The following RHBDL3 variants were observed in gnomAD, a reference collection of about 807,000 sequenced individuals.
The protein encoded by RHBDL3 is rhomboid like 3.
RHBDL3 carries 28 observed loss-of-function variants against 48.2 expected under a neutral mutation model. That is an observed-to-expected ratio of 0.58 (90% CI 0.43 to 0.80). The LOEUF (loss-of-function observed/expected upper bound fraction) is 0.80, where lower values mean the gene tolerates loss of function less well. Among genes scored for constraint, RHBDL3 ranks in the 30% least tolerant of loss-of-function variants. RHBDL3 has a pLI of 0.00. For missense variants in RHBDL3, 464 were observed against 542.7 expected (o/e 0.85, Z 1.44); for synonymous variants, 208 against 232.3 (o/e 0.90, Z 0.95).
At chr17:32,291,339 GA>G (rs930949086) in intron 4 of RHBDL3, among the ~76,000 whole-genome samples, 7 of 126,024 alleles carry the variant, frequency 5.6e-5, no homozygotes, top group Non-Finnish European at 8.6e-5. Flanking sequence ...TCTCAAAAAA[GA>G]AAAAAAGAAA....
At chr17:32,292,332 C>CA (rs2040350661) in intron 4 of RHBDL3, among the ~76,000 whole-genome samples, 1 of 151,984 alleles carries the variant, frequency 6.6e-6, no homozygotes, top group South Asian at 2.1e-4. Flanking sequence ...GGCGTTGCCT[C>CA]AAAAAATTAA....
At chr17:32,317,813 T>C (rs2150757795) in intron 8 of RHBDL3, among the ~76,000 whole-genome samples, 1 of 152,296 alleles carries the variant, frequency 6.6e-6, no homozygotes, top group South Asian at 2.1e-4. Context: ...CCAGTCAGGC[T>C]GCAGTGTGGA....
chr17:32,277,752 G>A (rs1456896124), intron 2 of RHBDL3, among the ~76,000 whole-genome samples: 1 of 152,230 alleles, frequency 6.6e-6, no homozygotes, highest in Non-Finnish European at 1.5e-5. Flanking sequence ...GACTGCTGTG[G>A]ACTCATACCT....
chr17:32,277,246 C>A (rs1470202114), intron 2 of RHBDL3, among the ~76,000 whole-genome samples: 3 of 152,238 alleles, frequency 2.0e-5, no homozygotes, highest in Non-Finnish European at 4.4e-5. Flanking sequence ...GGGAGAGGGT[C>A]CTCCTGGGAG....
Position 32,298,303 on chromosome 17 carries a change from G to A in RHBDL3, c.781+99G>A. On this transcript the variant is annotated intron_variant, in intron 6 of 8. Transcript: ENST00000269051. ...AAGCCCCAGGTTTCCAGGACACACAGAAGATCCTCATCTCCAAGGCTCCTG... is the reference window on the plus strand; with the variant it reads ...AAGCCCCAGGTTTCCAGGACACACAAAAGATCCTCATCTCCAAGGCTCCTG... 7.0e-6 allele frequency: 5 copies of A among 710,450 alleles called. No homozygotes were observed. In the South Asian group the frequency reaches 8.9e-5, roughly 13 times the overall value. 44.0% of individuals were successfully genotyped at this position (710,450 alleles called of 1,614,324 possible).
At chr17:32,275,253 G>A (rs943475962) in intron 2 of RHBDL3, among the ~76,000 whole-genome samples, 11 of 152,176 alleles carry the variant, frequency 7.2e-5, no homozygotes, top group African/African-American at 2.4e-4. Flanking sequence ...CCCAGGCGGC[G>A]CGTCAGGCTG....
chr17:32,305,381 C>T lies in RHBDL3; in HGVS notation c.822C>T (p.Val274=), dbSNP rs749339761. Residue 274 remains valine, a synonymous_variant, in exon 7 of 9, where the codon GTC becomes GTT. Transcript: ENST00000269051. ...AVSVADMTAP[V]VGSSGGVYAL... ...CTGTGGCTGACATGACCGCTCCAGT[C>T]GTGGGCTCTTCTGGAGGGGTGTATG... is the stretch of plus-strand genomic sequence containing the variant. 3 of 1,613,738 alleles carry T rather than the reference C, an allele frequency of 1.9e-6. No individual in the cohort carries two copies. Among genetic ancestry groups the T allele is most frequent in the South Asian group, 2.2e-5 (2 of 91,082 alleles).
chr17:32,303,801 C>G (rs192440519), intron 6 of RHBDL3, among the ~76,000 whole-genome samples: 81 of 152,234 alleles, frequency 5.3e-4, no homozygotes, highest in Non-Finnish European at 8.8e-4. Flanking sequence ...GCTCTGCTGC[C>G]AGGTCCTTGG....
At chr17:32,286,539 A>G (rs2040202821) in intron 3 of RHBDL3, among the ~76,000 whole-genome samples, 1 of 152,194 alleles carries the variant, frequency 6.6e-6, no homozygotes, top group Admixed American at 6.5e-5. Flanking sequence ...TGTAGAATAG[A>G]TCCAAAGGAT....
intron 2 of RHBDL3, among the ~76,000 whole-genome samples, chr17:32,275,691 C>T (rs913989272): frequency 4.6e-5 from 7 of 152,204 alleles, no homozygotes; most frequent in African/African-American, 1.7e-4. Flanking sequence ...GCTGCCCCAT[C>T]CTAGGATTCG....
intron 2 of RHBDL3, among the ~76,000 whole-genome samples, chr17:32,282,530 C>T (rs1452812029): frequency 2.0e-5 from 3 of 152,218 alleles, no homozygotes; most frequent in Non-Finnish European, 2.9e-5. Flanking sequence ...GGCACCACTT[C>T]ACCCCAGCCT....
intron 1 of RHBDL3, among the ~76,000 whole-genome samples, chr17:32,267,507 A>G (rs1265411631): frequency 6.6e-6 from 1 of 151,180 alleles, no homozygotes. Context: ...GCACCTGGCC[A>G]TGCTCTCCCA....
At chr17:32,283,524 C>G (rs190101152) in intron 2 of RHBDL3, among the ~76,000 whole-genome samples, 5 of 151,734 alleles carry the variant, frequency 3.3e-5, no homozygotes, top group Middle Eastern at 6.8e-3. Context: ...GGGGTTTCAC[C>G]GTGTTAGCCA....
At chr17:32,268,702 G>T (rs2039694092) in intron 2 of RHBDL3, among the ~76,000 whole-genome samples, 1 of 152,218 alleles carries the variant, frequency 6.6e-6, no homozygotes, top group Non-Finnish European at 1.5e-5. Context: ...AAATTGGTGT[G>T]AGTGGGCCAG....
intron 2 of RHBDL3, among the ~76,000 whole-genome samples, chr17:32,277,643 T>G (rs1367363808): frequency 6.6e-6 from 1 of 152,214 alleles, no homozygotes; most frequent in Non-Finnish European, 1.5e-5. Context: ...TCCAGCAAAG[T>G]GTCAGCTGCT....
chr17:32,289,122 C>A, intron 4 of RHBDL3, 106 bp downstream of exon 4: 2 of 874,586 alleles, frequency 2.3e-6, no homozygotes, highest in Non-Finnish European at 3.7e-6. Context: ...AGGGACATTT[C>A]TTTTCCATTG....
intron 7 of RHBDL3, 47 bp from the exon 8 acceptor site, chr17:32,316,185 G>A: frequency 7.3e-7 from 1 of 1,364,968 alleles, no homozygotes; most frequent in Non-Finnish European, 1.0e-6. Flanking sequence ...CACACCGGCA[G>A]AAGAGTGGTC....
rs1310893352 is a variant in RHBDL3, at chr17:32,321,508, C to G, written c.*279C>G. On this transcript the variant is annotated 3_prime_UTR_variant, in exon 9 of 9. Transcript: ENST00000269051. ...TGGGGTGGGGTGTGAGAGTGGCCCTCCCTCACCTGGGCTGGGCTTCTTCCA... is the reference window on the plus strand; with the variant it reads ...TGGGGTGGGGTGTGAGAGTGGCCCTGCCTCACCTGGGCTGGGCTTCTTCCA... The G allele has an allele frequency of 5.6e-6, 4 of 720,458 alleles. No individual in the cohort carries two copies. Among genetic ancestry groups the G allele is most frequent in the Non-Finnish European group, 6.5e-6 (3 of 458,126 alleles). The allele number at this position is 720,458 out of a possible 1,614,324, so 44.6% of individuals were successfully genotyped here.
chr17:32,298,176 G>A lies in RHBDL3; in HGVS notation c.753G>A (p.Gly251=). The A allele has an allele frequency of 6.2e-7, 1 of 1,613,862 alleles. No individual in the cohort carries two copies. The highest frequency in any genetic ancestry group is 8.5e-7 in the Non-Finnish European group (1 of 1,179,766). ...LEMVHGATRI[G]LVYVAGVVAG... is the part of the protein sequence containing the mutation. The stretch of plus-strand genomic sequence containing the variant: ...TGGTGCATGGAGCCACCCGAATTGG[G>A]CTTGTCTACGTGGCCGGTGTTGTGG... The change falls in exon 6 of 9, where the codon GGG becomes GGA. Residue 251 remains glycine, a synonymous_variant. Coordinates refer to ENST00000269051, the MANE Select transcript of RHBDL3 (RefSeq NM_138328.3).
Sources: gnomAD v4.1 joint callset for allele counts (sites outside exome capture counted in the v4.1 genomes callset) on GRCh38, gnomAD v4.1.1 for gene constraint, MANE v1.5 for transcripts, NCBI Gene and HGNC (gene_info 2026-07-23, HGNC 2026-07-21) for gene names.